Variants in ALK observed in about 807,000 individuals in gnomAD.
The protein encoded by ALK is ALK tyrosine kinase receptor.
ALK carries 74 observed loss-of-function variants against 163.1 expected under a neutral mutation model. The observed-to-expected ratio is 0.45, with a 90% CI of 0.38 to 0.55. ALK has a LOEUF of 0.55. ALK is among the 20% of genes least tolerant of loss of function. The pLI, the probability that ALK is intolerant of heterozygous loss-of-function variation, is 0.00. For missense variants in ALK, 2,063 were observed against 2,105.3 expected (o/e 0.98, Z 0.39); for synonymous variants, 960 against 843.2 (o/e 1.14, Z -2.40).
intron 4 of ALK, among the ~76,000 whole-genome samples, chr2:29,482,029 C>G (rs955154683): frequency 9.2e-5 from 14 of 152,318 alleles, no homozygotes; most frequent in Admixed American, 8.5e-4. Flanking sequence ...TTGTGGCTGT[C>G]CCTTCTTGCC....
At chr2:29,709,206 T>A (rs907735645) in intron 2 of ALK, among the ~76,000 whole-genome samples, 1 of 152,170 alleles carries the variant, frequency 6.6e-6, no homozygotes, top group Non-Finnish European at 1.5e-5. Flanking sequence ...CTGCTCAAAG[T>A]AGTTAAAATC....
intron 3 of ALK, among the ~76,000 whole-genome samples, chr2:29,549,448 G>C (rs961341534): frequency 6.6e-6 from 1 of 152,186 alleles, no homozygotes; most frequent in South Asian, 2.1e-4. Flanking sequence ...CAGTGAAATA[G>C]ATGCTATCCC....
chr2:29,413,966 T>C (rs1669800961), intron 4 of ALK, among the ~76,000 whole-genome samples: 1 of 152,240 alleles, frequency 6.6e-6, no homozygotes, highest in African/African-American at 2.4e-5. Flanking sequence ...TGCCCAGGCC[T>C]GTTTATTATC....
chr2:29,813,343 G>A (rs1036244403), intron 1 of ALK, among the ~76,000 whole-genome samples: 13 of 152,182 alleles, frequency 8.5e-5, no homozygotes, highest in African/African-American at 3.1e-4. Context: ...GGCAGTAAGT[G>A]CCCAAGAAAG....
At chr2:29,632,162 C>T (rs533830987) in intron 3 of ALK, among the ~76,000 whole-genome samples, 7 of 152,256 alleles carry the variant, frequency 4.6e-5, no homozygotes, top group East Asian at 1.9e-4. Context: ...TGCCTACGTG[C>T]TGTCTGGTGC....
chr2:29,504,694 A>T (rs1001295835), intron 4 of ALK, among the ~76,000 whole-genome samples: 2 of 152,268 alleles, frequency 1.3e-5, no homozygotes, highest in African/African-American at 4.8e-5. Flanking sequence ...AGTAAAATGG[A>T]GAAATGAGAG....
intron 3 of ALK, among the ~76,000 whole-genome samples, chr2:29,655,901 A>G (rs2879502): frequency 0.18 from 26,672 of 152,178 alleles, 5,340 homozygotes; most frequent in African/African-American, 0.49. Flanking sequence ...ACATATGGTC[A>G]TGCTAGCTGG....
At chr2:29,685,648 G>A (rs1206269728) in intron 3 of ALK, among the ~76,000 whole-genome samples, 1 of 152,008 alleles carries the variant, frequency 6.6e-6, no homozygotes, top group Non-Finnish European at 1.5e-5. Context: ...CCTGGCCCTG[G>A]CCCCAAGAGC....
intron 4 of ALK, among the ~76,000 whole-genome samples, chr2:29,515,234 C>G (rs1458685321): frequency 6.6e-6 from 1 of 152,198 alleles, no homozygotes; most frequent in African/African-American, 2.4e-5. Context: ...TGGCCTAGCT[C>G]AGGTCCCTAC....
At chr2:29,768,468 T>C (rs748391054) in intron 1 of ALK, among the ~76,000 whole-genome samples, 25 of 152,170 alleles carry the variant, frequency 1.6e-4, no homozygotes, top group Non-Finnish European at 2.6e-4. Context: ...AATACTAATT[T>C]CCATATGTCA....
chr2:29,204,901 A>G (rs927846434), intron 26 of ALK, among the ~76,000 whole-genome samples: 1 of 152,040 alleles, frequency 6.6e-6, no homozygotes, highest in African/African-American at 2.4e-5. Flanking sequence ...TAGACTTATC[A>G]CTATTGAGGT....
intron 5 of ALK, among the ~76,000 whole-genome samples, chr2:29,364,936 T>G (rs1253433646): frequency 1.3e-5 from 2 of 152,230 alleles, no homozygotes; most frequent in African/African-American, 4.8e-5. Context: ...TTAGCTTGTT[T>G]TGAACATTTC....
intron 1 of ALK, among the ~76,000 whole-genome samples, chr2:29,735,703 C>T (rs966678586): frequency 6.6e-6 from 1 of 152,070 alleles, no homozygotes; most frequent in African/African-American, 2.4e-5. Flanking sequence ...CTCATGATAG[C>T]GAGTGAATTC....
At chr2:29,255,363 A>T (rs1664924600) in intron 11 of ALK, among the ~76,000 whole-genome samples, 1 of 152,156 alleles carries the variant, frequency 6.6e-6, no homozygotes, top group South Asian at 2.1e-4. Context: ...TGTTTTCCAA[A>T]CCACCTGAGG....
At chr2:29,197,007 T>C (rs969937580) in intron 27 of ALK, 147 bp from the exon 28 acceptor site, 31 of 687,296 alleles carry the variant, frequency 4.5e-5, no homozygotes, top group African/African-American at 7.1e-5. Flanking sequence ...CCCCTGCTGA[T>C]TGGTCAAGGA....
At chr2:29,448,073 T>C (rs550526328) in intron 4 of ALK, among the ~76,000 whole-genome samples, 7 of 152,328 alleles carry the variant, frequency 4.6e-5, no homozygotes, top group African/African-American at 1.7e-4. Context: ...CAATTTATGG[T>C]CTATTATTCT....
At chr2:29,906,576 G>C (rs1166900301) in intron 1 of ALK, among the ~76,000 whole-genome samples, 1 of 152,180 alleles carries the variant, frequency 6.6e-6, no homozygotes, top group Admixed American at 6.5e-5. Context: ...ACAGTCACAA[G>C]TAAAAGACAT....
At chr2:29,346,626 G>A (rs1667956956) in intron 5 of ALK, among the ~76,000 whole-genome samples, 1 of 152,252 alleles carries the variant, frequency 6.6e-6, no homozygotes, top group Admixed American at 6.5e-5. Flanking sequence ...TCCATTGACA[G>A]TTAAATTAAC....
chr2:29,351,947 C>G (rs1390059330), intron 5 of ALK, among the ~76,000 whole-genome samples: 1 of 152,168 alleles, frequency 6.6e-6, no homozygotes, highest in Non-Finnish European at 1.5e-5. Context: ...AGAACCTTCT[C>G]AGCTCTGGCC....
Sources: gnomAD v4.1 joint callset for allele counts (sites outside exome capture counted in the v4.1 genomes callset) on GRCh38, gnomAD v4.1.1 for gene constraint, MANE v1.5 for transcripts, NCBI Gene and HGNC (gene_info 2026-07-23, HGNC 2026-07-21) for gene names.